The following SMIM7 variants were observed in gnomAD, a reference collection of about 807,000 sequenced individuals.
The protein encoded by SMIM7 is UPF0608 protein C19orf42.
Under a neutral mutation model 13.3 loss-of-function variants are expected in SMIM7, and 12 were observed. The ratio of observed to expected loss-of-function variants is 0.90; its 90% CI spans 0.58 to 1.46. The LOEUF is 1.46. Among genes scored for constraint, SMIM7 ranks in the 40% most tolerant of loss-of-function variants. The pLI, the probability that SMIM7 is intolerant of heterozygous loss-of-function variation, is 0.00. For synonymous variants in SMIM7, 36 were observed against 35.8 expected (o/e 1.01, Z -0.02); for missense variants, 114 against 94.8 (o/e 1.20, Z -0.84).
chr19:16,658,918 G>A (rs78383799), intron 3 of SMIM7, among the ~76,000 whole-genome samples: 2,586 of 152,026 alleles, frequency 0.017, 61 homozygotes, highest in African/African-American at 0.06. Context: ...GGGAGGTCTG[G>A]TAGGAGAAAG....
At chr19:16,643,106 G>C (rs943150685), downstream of SMIM7, among the ~76,000 whole-genome samples, 12 of 151,890 alleles carry the variant, frequency 7.9e-5, no homozygotes, top group Admixed American at 5.2e-4. Flanking sequence ...CTGGCCAAGT[G>C]AGACTCTGTC....
At chr19:16,647,889 T>A (rs962326188) in intron 4 of SMIM7, among the ~76,000 whole-genome samples, 3 of 151,922 alleles carry the variant, frequency 2.0e-5, no homozygotes, top group Admixed American at 6.6e-5. Flanking sequence ...CTGAAAAAAA[T>A]AAGAGTGCAG....
At chr19:16,655,680 C>CAAAAA (rs869256040) in intron 3 of SMIM7, among the ~76,000 whole-genome samples, 498 of 38,324 alleles carry the variant, frequency 0.013, 40 homozygotes, top group African/African-American at 0.036. Context: ...GACTCCATCT[C>CAAAAA]AAAAAAAAAA....
intron 4 of SMIM7, chr19:16,640,615 TGA>T (rs1425419660): frequency 1.3e-5 from 2 of 152,306 alleles, no homozygotes; most frequent in African/African-American, 4.8e-5. Context: ...TCAGGGAGCC[TGA>T]GAGGGGTCTT....
intron 4 of SMIM7, chr19:16,653,809 C>T (rs2086560785): frequency 1.2e-5 from 6 of 503,308 alleles, no homozygotes; most frequent in East Asian, 1.0e-4. Context: ...GCAGGAGAAT[C>T]GCTTAGACCT....
chr19:16,631,882 T>A (rs1224299436), intron 4 of SMIM7, among the ~76,000 whole-genome samples: 2 of 151,166 alleles, frequency 1.3e-5, no homozygotes, highest in African/African-American at 4.9e-5. Context: ...TTTTTTTTTT[T>A]TTTTTTTCGA....
intron 3 of SMIM7, among the ~76,000 whole-genome samples, chr19:16,655,945 T>C (rs1272220855): frequency 4.6e-5 from 7 of 152,208 alleles, no homozygotes; most frequent in Non-Finnish European, 7.3e-5. Flanking sequence ...ACAACCTGTA[T>C]ACAGGGCTGA....
intron 4 of SMIM7, among the ~76,000 whole-genome samples, chr19:16,648,014 C>T (rs1193760718): frequency 2.0e-5 from 3 of 152,268 alleles, no homozygotes; most frequent in Admixed American, 6.5e-5. Context: ...ATCCAAACTA[C>T]AAAACTCTTG....
chr19:16,652,648 G>A (rs959587106), intron 4 of SMIM7: 58 of 1,363,852 alleles, frequency 4.3e-5, no homozygotes, highest in Non-Finnish European at 5.3e-5. Context: ...TCCTTGTGAT[G>A]AGGGTGAAAT....
chr19:16,635,846 T>G (rs1302215527), intron 4 of SMIM7, among the ~76,000 whole-genome samples: 5 of 134,762 alleles, frequency 3.7e-5, no homozygotes, highest in Non-Finnish European at 7.6e-5. Flanking sequence ...ATTGTACCAC[T>G]GCAATCCAGC....
intron 3 of SMIM7, among the ~76,000 whole-genome samples, chr19:16,656,631 G>A (rs1483297597): frequency 1.3e-5 from 2 of 151,956 alleles, no homozygotes; most frequent in African/African-American, 2.4e-5. Context: ...GGGTGCCGTC[G>A]CTCAAGTCTG....
chr19:16,659,336 C>G (rs1350572008), intron 3 of SMIM7, 59 bp downstream of exon 3: 7 of 1,445,060 alleles, frequency 4.8e-6, no homozygotes, highest in Non-Finnish European at 6.7e-6. Flanking sequence ...TAGGGCTTGG[C>G]GAAACAGAAC....
At chr19:16,645,353 T>C (rs903522992), downstream of SMIM7, 1 of 152,004 alleles carries the variant, frequency 6.6e-6, no homozygotes, top group Admixed American at 6.6e-5. Context: ...GGCAGGAAGG[T>C]TTCTTCACAC....
In SMIM7 at chr19:16,653,891, T is replaced by A. The variant is rs535554686; in HGVS notation, c.212+144A>T. 1.4e-5 allele frequency: 10 copies of A among 703,640 alleles called. No homozygotes were observed. The South Asian group carries it at 1.8e-4, about 13-fold the overall frequency. The allele number at this position is 703,640 out of a possible 1,614,324, so 43.6% of individuals were successfully genotyped here. On this transcript the variant is annotated intron_variant, in intron 4 of 4. Coordinates refer to ENST00000487416, the MANE Select transcript of SMIM7 (RefSeq NM_024104.4). ...GTTTAGGCGACAGAGCAAGATTCCA[T>A]CTCAAACAAAACAAAAAATAAAGAA...
Position 16,659,138 on chromosome 19 carries a change from C to G in SMIM7, c.121+257G>C, listed in dbSNP as rs2086634098. ...TCTCTACAAAAAATACAAAATTTAG[C>G]CTGGCATGGTGGCACACACCTGTAA... On this transcript the variant is annotated intron_variant, in intron 3 of 4. Transcript: ENST00000487416. 8 of 541,212 alleles carry G rather than the reference C, an allele frequency of 1.5e-5. No individual in the cohort carries two copies. The South Asian group carries it at 1.6e-4, about 11-fold the overall frequency. 33.5% of individuals were successfully genotyped at this position (541,212 alleles called of 1,614,324 possible).
chr19:16,647,050 G>A lies in SMIM7; in HGVS notation c.*196C>T. On this transcript the variant is annotated 3_prime_UTR_variant, in exon 5 of 5. Transcript: ENST00000487416. ...AGCATTTCAATTCAGAGACCAAAGT[G>A]AAACTATCTTTGAAAACAGGGACGT... 1.5e-6 allele frequency: 1 copy of A among 669,768 alleles called. No individual in the cohort carries two copies. The highest frequency in any genetic ancestry group is 2.6e-6 in the Non-Finnish European group (1 of 385,212). 41.5% of individuals were successfully genotyped at this position (669,768 alleles called of 1,614,324 possible). A position where few individuals can be genotyped will look rare whatever the true frequency, so the allele number is the denominator to read the frequency against.
chr19:16,639,352 G>C (rs891412429), intron 4 of SMIM7, among the ~76,000 whole-genome samples: 4 of 152,070 alleles, frequency 2.6e-5, no homozygotes, highest in African/African-American at 9.7e-5. Flanking sequence ...TCGATCTCCT[G>C]ACCTCATGAT....
At position 16,646,830 on chromosome 19, in the gene SMIM7, A is replaced by G. The variant is rs1305727997; in HGVS notation, c.*416T>C. ...TGGGATGTGAAAGCAGTTTGTTAACAGGGCCCCTGGCCGGGCCCAGAGGCT... is the reference window on the plus strand; with the variant it reads ...TGGGATGTGAAAGCAGTTTGTTAACGGGGCCCCTGGCCGGGCCCAGAGGCT... On this transcript the variant is annotated 3_prime_UTR_variant, in exon 5 of 5. Coordinates refer to ENST00000487416, the MANE Select transcript of SMIM7 (RefSeq NM_024104.4). 8.4e-6 allele frequency: 2 copies of G among 238,062 alleles called. No homozygotes were observed. The highest frequency in any genetic ancestry group is 1.0e-4 in the Admixed American group (2 of 19,342). 14.7% of individuals were successfully genotyped at this position (238,062 alleles called of 1,614,324 possible). A position where few individuals can be genotyped will look rare whatever the true frequency, so the allele number is the denominator to read the frequency against.
intron 4 of SMIM7, among the ~76,000 whole-genome samples, chr19:16,638,271 C>T (rs943315083): frequency 1.3e-4 from 19 of 150,842 alleles, no homozygotes; most frequent in African/African-American, 4.4e-4. Context: ...TCAAAAGAAC[C>T]GTGAGGCAAT....
Sources: gnomAD v4.1 joint callset for allele counts (sites outside exome capture counted in the v4.1 genomes callset) on GRCh38, gnomAD v4.1.1 for gene constraint, MANE v1.5 for transcripts, NCBI Gene and HGNC (gene_info 2026-07-23, HGNC 2026-07-21) for gene names.